The following JAK1 variants were observed in gnomAD, a reference collection of about 807,000 sequenced individuals.
The protein encoded by JAK1 is tyrosine-protein kinase JAK1.
In JAK1, 16 loss-of-function variants were observed where a neutral mutation model predicts 136.6. The observed-to-expected ratio is 0.12, with a 90% CI of 0.08 to 0.18. The LOEUF (loss-of-function observed/expected upper bound fraction) is 0.18, where lower values mean the gene tolerates loss of function less well. Among genes scored for constraint, JAK1 ranks in the 10% least tolerant of loss-of-function variants. The pLI is 1.00. For synonymous variants in JAK1, 492 were observed against 519.5 expected (o/e 0.95, Z 0.72); for missense variants, 859 against 1,450.1 (o/e 0.59, Z 6.62).
chr1:64,910,919 T>A (rs1026385105), intron 1 of JAK1, among the ~76,000 whole-genome samples: 1 of 151,100 alleles, frequency 6.6e-6, no homozygotes, highest in Non-Finnish European at 1.5e-5. Context: ...GCAAACAAAC[T>A]GTACTCTTCA....
intron 1 of JAK1, among the ~76,000 whole-genome samples, chr1:64,928,786 A>AAAAAAAAAAAC (rs1645630945): frequency 5.1e-5 from 6 of 117,936 alleles, no homozygotes; most frequent in Admixed American, 8.7e-5. Flanking sequence ...TGCAAAAAAA[A>AAAAAAAAAAAC]AAAAAAAAAA....
chr1:64,988,524 T>C (rs1198556967), intron 2 of JAK1, among the ~76,000 whole-genome samples: 1 of 152,132 alleles, frequency 6.6e-6, no homozygotes, highest in East Asian at 1.9e-4. Flanking sequence ...CAGAATTAAC[T>C]TCTTCAGACT....
chr1:64,902,791 T>C (rs1294210562), intron 1 of JAK1, among the ~76,000 whole-genome samples: 1 of 152,068 alleles, frequency 6.6e-6, no homozygotes, highest in Non-Finnish European at 1.5e-5. Flanking sequence ...TGTATGCCAT[T>C]GTCCTTCCTC....
chr1:64,917,979 T>C (rs1165171837), intron 1 of JAK1, among the ~76,000 whole-genome samples: 1 of 152,186 alleles, frequency 6.6e-6, no homozygotes, highest in Non-Finnish European at 1.5e-5. Context: ...GGTAATGAAT[T>C]CAACCAGAGA....
chr1:64,846,727 C>T lies in JAK1; in HGVS notation c.1909G>A (p.Glu637Lys). ...ACCTGTCTCATCATGCTGGCTGCCT[C>T]GAAGAAGGCCTGTGGGCGAGCAGGA... is the stretch of plus-strand genomic sequence containing the variant. ...SHRDISLAFF[E>K]AASMMRQVSH... is the part of the protein sequence containing the mutation. Residue 637 changes from glutamate (E) to lysine (K), a missense_variant, in exon 14 of 25, where the codon GAG becomes AAG. Transcript: ENST00000342505. The T allele has an allele frequency of 1.2e-6, 2 of 1,613,736 alleles. No individual in the cohort carries two copies. The highest frequency in any genetic ancestry group is 8.5e-7 in the Non-Finnish European group (1 of 1,179,796).
chr1:64,956,455 T>G (rs561498733), intron 1 of JAK1, among the ~76,000 whole-genome samples: 1 of 152,282 alleles, frequency 6.6e-6, no homozygotes, highest in African/African-American at 2.4e-5. Context: ...ACTGCCTGGC[T>G]TCTACTCATT....
intron 1 of JAK1, among the ~76,000 whole-genome samples, chr1:64,922,954 C>T (rs1329201368): frequency 2.6e-5 from 4 of 152,116 alleles, no homozygotes; most frequent in Admixed American, 2.6e-4. Flanking sequence ...AAGGACCAAC[C>T]ACAGTGGAAA....
At chr1:64,964,380 T>C (rs1233718825) in intron 1 of JAK1, among the ~76,000 whole-genome samples, 2 of 152,244 alleles carry the variant, frequency 1.3e-5, no homozygotes, top group Non-Finnish European at 2.9e-5. Context: ...AGTGTTCTCT[T>C]GTTCTCTCTA....
chr1:64,879,935 T>C (rs1172745942), intron 3 of JAK1, among the ~76,000 whole-genome samples: 1 of 152,136 alleles, frequency 6.6e-6, no homozygotes, highest in African/African-American at 2.4e-5. Context: ...ACCTGAAACA[T>C]AGGCAGGTTG....
At chr1:65,051,622 C>G (rs552063527) in intron 1 of JAK1, among the ~76,000 whole-genome samples, 2 of 152,270 alleles carry the variant, frequency 1.3e-5, no homozygotes, top group African/African-American at 4.8e-5. Flanking sequence ...CGAAGATACT[C>G]ATTTTCAAAT....
In JAK1 at chr1:64,951,717, G is replaced by A. The variant is rs193196233; in HGVS notation, c.-78+14616C>T. On this transcript the variant is annotated intron_variant, in intron 1 of 24. Transcript: ENST00000342505. Reference sequence around the variant, plus strand: ...TCTGTCGCCCAGGCTGGAGTGCAGTGGCTCGATCTCTGCTCACTGCAAGCT... The same window carrying A: ...TCTGTCGCCCAGGCTGGAGTGCAGTAGCTCGATCTCTGCTCACTGCAAGCT... Among the ~76,000 whole-genome samples the A allele has an allele frequency of 8.3e-3, 1,150 of 139,170 alleles. 17 individuals carry two copies. The highest frequency in any genetic ancestry group is 0.029 in the African/African-American group (1,079 of 36,724). 91.3% of individuals were successfully genotyped at this position (139,170 alleles called of 152,430 possible). A position where few individuals can be genotyped will look rare whatever the true frequency, so the allele number is the denominator to read the frequency against.
At chr1:64,986,106 A>ATTT in intron 2 of JAK1, 33 of 757,530 alleles carry the variant, frequency 4.4e-5, no homozygotes, top group South Asian at 4.7e-5. Context: ...CCTCAATCTA[A>ATTT]TTGTTTTTTT....
intron 3 of JAK1, among the ~76,000 whole-genome samples, chr1:64,881,234 T>C (rs1322368241): frequency 2.1e-5 from 3 of 144,162 alleles, no homozygotes. Flanking sequence ...TGCACTCCAG[T>C]CTAGGGGACA....
At chr1:65,041,703 T>C (rs1011936239) in intron 2 of JAK1, among the ~76,000 whole-genome samples, 64 of 152,136 alleles carry the variant, frequency 4.2e-4, no homozygotes, top group African/African-American at 1.4e-3. Context: ...TATATATACA[T>C]ACAGTTGGTC....
At chr1:64,897,967 A>T (rs1418054060) in intron 1 of JAK1, among the ~76,000 whole-genome samples, 1 of 152,222 alleles carries the variant, frequency 6.6e-6, no homozygotes, top group East Asian at 1.9e-4. Flanking sequence ...AAGGACAATA[A>T]AATTTAACTG....
intron 1 of JAK1, among the ~76,000 whole-genome samples, chr1:65,063,820 AAAAG>A (rs1272656106): frequency 1.3e-5 from 2 of 151,478 alleles, no homozygotes; most frequent in African/African-American, 2.4e-5. Context: ...AAAAAAAAAA[AAAAG>A]AAAGAAAAAA....
At chr1:64,896,649 CA>C (rs756077200) in intron 1 of JAK1, among the ~76,000 whole-genome samples, 92 of 152,250 alleles carry the variant, frequency 6.0e-4, no homozygotes, top group Admixed American at 1.7e-3. Context: ...AAGAAAACAA[CA>C]AAAGATATAT....
chr1:64,837,836 G>C, intron 22 of JAK1, 96 bp downstream of exon 22: 1 of 1,032,358 alleles, frequency 9.7e-7, no homozygotes, highest in Non-Finnish European at 1.4e-6. Context: ...AGTCAGGCCA[G>C]AGGAATGAGA....
intron 1 of JAK1, among the ~76,000 whole-genome samples, chr1:64,906,929 C>CCA (rs1409570544): frequency 6.6e-6 from 1 of 151,854 alleles, no homozygotes; most frequent in East Asian, 1.9e-4. Context: ...TTTCCTTTTA[C>CCA]CACTATCTAC....
Sources: allele counts gnomAD v4.1 joint callset (sites outside exome capture counted in the v4.1 genomes callset), GRCh38; gene constraint gnomAD v4.1.1; transcripts MANE v1.5; gene names NCBI Gene and HGNC (gene_info 2026-07-23, HGNC 2026-07-21).